PTPN23: variants seen among roughly 807,000 people sequenced by gnomAD.
PTPN23 encodes protein tyrosine phosphatase non-receptor type 23.
In PTPN23, 72 loss-of-function variants were observed where a neutral mutation model predicts 156.3. The observed-to-expected ratio is 0.46, with a 90% CI of 0.38 to 0.56. The LOEUF (loss-of-function observed/expected upper bound fraction) is 0.56, where lower values mean the gene tolerates loss of function less well. Among genes scored for constraint, PTPN23 ranks in the 20% least tolerant of loss-of-function variants. PTPN23 has a pLI of 0.00. For missense variants in PTPN23, 1,974 were observed against 2,171.5 expected, an observed-to-expected ratio of 0.91 and a Z score of 1.81; for synonymous variants, 957 against 899.6, an observed-to-expected ratio of 1.06 and a Z score of -1.14.
At position 47,406,832 on chromosome 3, in the gene PTPN23, G is replaced by C. The variant is rs1222096493; in HGVS notation, c.807+82G>C. On this transcript the variant is annotated intron_variant, in intron 9 of 24. Transcript: ENST00000265562. This position sits in a 1 kb window ranked among gnomAD's most constrained non-coding sequence, Gnocchi z 5.8. Reference sequence around the variant, plus strand: ...GTGTGCTCCCGCTCCTTACACACCAGGGGGTGGCCTTCTCTGTCTCACCCT... The same window carrying C: ...GTGTGCTCCCGCTCCTTACACACCACGGGGTGGCCTTCTCTGTCTCACCCT... 1.3e-6 allele frequency: 2 copies of C among 1,554,208 alleles called. No individual in the cohort carries two copies. The highest frequency in any genetic ancestry group is 1.4e-5 in the African/African-American group (1 of 73,854).
chr3:47,409,628 C>T (rs748790830), intron 18 of PTPN23, 27 bp from the exon 19 acceptor site: 2 of 1,612,624 alleles, frequency 1.2e-6, no homozygotes, highest in Middle Eastern at 1.7e-4. Flanking sequence ...CCATGGTTCA[C>T]CTGGAGCTGG....
At chr3:47,386,562 C>T (rs1331077566) in intron 1 of PTPN23, among the ~76,000 whole-genome samples, 1 of 152,146 alleles carries the variant, frequency 6.6e-6, no homozygotes, top group East Asian at 1.9e-4. Flanking sequence ...TTTTCCCCTT[C>T]CAGATTTTCC....
At chr3:47,391,898 T>C (rs145872613) in intron 1 of PTPN23, among the ~76,000 whole-genome samples, 14 of 152,342 alleles carry the variant, frequency 9.2e-5, no homozygotes, top group African/African-American at 2.9e-4. Context: ...AGTTAATTAA[T>C]TATTTTTGAG....
chr3:47,396,313 G>A (rs551935024), intron 2 of PTPN23, 96 bp downstream of exon 2: 15 of 979,876 alleles, frequency 1.5e-5, no homozygotes, highest in Admixed American at 4.9e-5. Context: ...GTGGCTCAAC[G>A]CCTATAATCC....
intron 15 of PTPN23, 54 bp downstream of exon 15, chr3:47,408,544 T>A: frequency 1.9e-6 from 3 of 1,569,006 alleles, no homozygotes; most frequent in Non-Finnish European, 2.6e-6. Context: ...TCATCTGCTG[T>A]GGCCTCCTCC....
intron 1 of PTPN23, among the ~76,000 whole-genome samples, chr3:47,382,193 GAC>G (rs1171864950): frequency 6.6e-6 from 1 of 152,208 alleles, no homozygotes; most frequent in Non-Finnish European, 1.5e-5. Flanking sequence ...CCTTAGTTCA[GAC>G]AGTGTTTGAG....
Position 47,407,971 on chromosome 3 carries a change from G to C in PTPN23, c.1184+16G>C. 1 of 1,612,572 alleles carries C rather than the reference G, an allele frequency of 6.2e-7. No individual in the cohort carries two copies. The highest frequency in any genetic ancestry group is 1.1e-5 in the South Asian group (1 of 90,952). On this transcript the variant is annotated intron_variant, in intron 14 of 24. Transcript: ENST00000265562. This position sits in a 1 kb window ranked among gnomAD's most constrained non-coding sequence, Gnocchi z 4.0. ...AGGTCCTGGAGTGAGTGTGGGACTT[G>C]GGCAGGGAGGCGGAGGCAGGCAGCA... is the stretch of plus-strand genomic sequence containing the variant.
rs144875102 is a variant in PTPN23, at chr3:47,410,662, C to T, written c.2864C>T (p.Pro955Leu). 1 of 1,611,410 alleles carries T rather than the reference C, an allele frequency of 6.2e-7. No homozygotes were observed. The highest frequency in any genetic ancestry group is 8.5e-7 in the Non-Finnish European group (1 of 1,179,138). The change falls in exon 20 of 25, where the codon CCC (proline) becomes CTC (leucine). Residue 955 changes from proline (P) to leucine (L), a missense_variant. Around this residue, in one of 4 missense-constraint regions of PTPN23, gnomAD observed 731 missense variants for 669.1 expected, o/e 1.09. Coordinates refer to ENST00000265562, the MANE Select transcript of PTPN23 (RefSeq NM_015466.4). ...CCAGCCCCAAGGATTGGGCCCCAGC[C>T]CCAGCCCCATCCTCAGCCCCATCCT... is the stretch of plus-strand genomic sequence containing the variant. ...GFPAPRIGPQPQPHPQPHPSQ... is the reference protein window; with the variant it reads ...GFPAPRIGPQLQPHPQPHPSQ...
At chr3:47,400,381 C>T (rs1403807791) in intron 2 of PTPN23, among the ~76,000 whole-genome samples, 1 of 152,206 alleles carries the variant, frequency 6.6e-6, no homozygotes, top group Non-Finnish European at 1.5e-5. Flanking sequence ...ATCACAGCAT[C>T]AAGCTCTCTC....
intron 2 of PTPN23, among the ~76,000 whole-genome samples, chr3:47,398,739 A>T (rs1337176894): frequency 3.9e-5 from 6 of 152,004 alleles, no homozygotes; most frequent in African/African-American, 1.4e-4. Context: ...CAATTTTTAA[A>T]TTTTTTGTAG....
At chr3:47,383,207 A>G (rs184670604) in intron 1 of PTPN23, among the ~76,000 whole-genome samples, 11 of 152,096 alleles carry the variant, frequency 7.2e-5, no homozygotes, top group African/African-American at 1.9e-4. Flanking sequence ...TTTCCTTACC[A>G]TACTCTGTTT....
rs746591446 is a variant in PTPN23 at position 47,396,159 on chromosome 3, A to T, written c.101A>T (p.Tyr34Phe). ...TCTCTGTAGTTTGTCCTGAAGAATT[A>T]TGGAGAGAACCCAGAAGCCTACAAT... ...PAVKKFVLKN[Y>F]GENPEAYNEE... is the part of the protein sequence containing the mutation. Residue 34 changes from tyrosine to phenylalanine, a missense_variant, in exon 2 of 25, where the codon TAT (tyrosine) becomes TTT (phenylalanine). Transcript: ENST00000265562. 6.2e-7 allele frequency: 1 copy of T among 1,612,922 alleles called. No individual in the cohort carries two copies. The highest frequency in any genetic ancestry group is 8.5e-7 in the Non-Finnish European group (1 of 1,179,148).
chr3:47,405,694 C>T lies in PTPN23; in HGVS notation c.365-55C>T, dbSNP rs937999673. On this transcript the variant is annotated intron_variant, in intron 4 of 24. Transcript: ENST00000265562. This position sits in a 1 kb window ranked among gnomAD's most constrained non-coding sequence, Gnocchi z 4.7. ...AACAGCAGTGCCCCCTCTGTCTCAC[C>T]TTCACATGGGTGTGAGCAGCCCCAG... The T allele has an allele frequency of 5.1e-6, 8 of 1,555,398 alleles. No homozygotes were observed. The African/African-American group carries it at 6.8e-5, about 13-fold the overall frequency.
At position 47,412,991 on chromosome 3, in the gene PTPN23, CCCT is replaced by C. The variant is rs768367262; in HGVS notation, c.4726_4728del (p.Ser1576del). The C allele has an allele frequency of 7.4e-6, 12 of 1,611,820 alleles. No individual in the cohort carries two copies. Among genetic ancestry groups the C allele is most frequent in the Admixed American group, 1.7e-5 (1 of 59,830 alleles). On this transcript the variant is annotated inframe_deletion, in exon 25 of 25. Coordinates refer to ENST00000265562, the MANE Select transcript of PTPN23 (RefSeq NM_015466.4). Reference sequence around the variant, plus strand: ...GCCTGAAGCCCCCAGCTCGGGGCCCCCCTCCTCCTCCCTGGAATTGCTGGCCTC... The same window carrying C: ...GCCTGAAGCCCCCAGCTCGGGGCCCCCCTCCTCCCTGGAATTGCTGGCCTC...
rs748760251 is a variant in PTPN23 at position 47,408,811 on chromosome 3, C to T, written c.1366C>T (p.Leu456=). 9 of 1,610,050 alleles carry T rather than the reference C, an allele frequency of 5.6e-6. No homozygotes were observed. The highest frequency in any genetic ancestry group is 6.8e-6 in the Non-Finnish European group (8 of 1,177,698). Reference sequence around the variant, plus strand: ...TGTGTTCACGGATGTGGAGGCTTCCCTGAAGGACATCAGAGATCTGTTGGA... The same window carrying T: ...TGTGTTCACGGATGTGGAGGCTTCCTTGAAGGACATCAGAGATCTGTTGGA... The part of the protein sequence containing the change: ...SGVFTDVEAS[L]KDIRDLLEED... The change falls in exon 16 of 25, where the codon CTG becomes TTG. Residue 456 remains leucine, a synonymous_variant. Coordinates refer to ENST00000265562, the MANE Select transcript of PTPN23 (RefSeq NM_015466.4).
chr3:47,408,089 C>T, intron 14 of PTPN23, 134 bp downstream of exon 14: 2 of 1,141,138 alleles, frequency 1.8e-6, no homozygotes, highest in Non-Finnish European at 2.5e-6. Flanking sequence ...GCCTTCCCGC[C>T]TGGGGTGGTG....
Position 47,406,934 on chromosome 3 carries a change from A to T in PTPN23, c.807+184A>T, listed in dbSNP as rs931257677. ...AGCCCTCGTCCCTCGGGGTCTGAGGAGGTGGGGCAGGCTCCCTACAGAGCA... is the reference window on the plus strand; with the variant it reads ...AGCCCTCGTCCCTCGGGGTCTGAGGTGGTGGGGCAGGCTCCCTACAGAGCA... On this transcript the variant is annotated intron_variant, in intron 9 of 24. Coordinates refer to ENST00000265562, the MANE Select transcript of PTPN23 (RefSeq NM_015466.4). The surrounding 1 kb of genome is among the most constrained non-coding windows in gnomAD (Gnocchi z 5.8). Among the ~76,000 whole-genome samples, 1 of 151,938 alleles carries T rather than the reference A, an allele frequency of 6.6e-6. No homozygotes were observed. The highest frequency in any genetic ancestry group is 2.4e-5 in the African/African-American group (1 of 41,348).
chr3:47,407,203 C>G lies in PTPN23; in HGVS notation c.864+17C>G. 1 of 1,614,054 alleles carries G rather than the reference C, an allele frequency of 6.2e-7. No homozygotes were observed. Among genetic ancestry groups the G allele is most frequent in the Non-Finnish European group, 8.5e-7 (1 of 1,179,952 alleles). On this transcript the variant is annotated intron_variant, in intron 10 of 24. Transcript: ENST00000265562. The surrounding 1 kb of genome is among the most constrained non-coding windows in gnomAD (Gnocchi z 4.0). ...TTGGCCAAGGTAAAGCTGAGGAAGGCCTGGCTGCCCTGAGGGTATAGGAGC... is the reference window on the plus strand; with the variant it reads ...TTGGCCAAGGTAAAGCTGAGGAAGGGCTGGCTGCCCTGAGGGTATAGGAGC...
chr3:47,387,114 G>GA (rs1478198367), intron 1 of PTPN23, among the ~76,000 whole-genome samples: 2 of 152,174 alleles, frequency 1.3e-5, no homozygotes, highest in African/African-American at 4.8e-5. Context: ...AGGGGAGGAT[G>GA]AAGGTATGTT....
Sources: allele counts gnomAD v4.1 joint callset (sites outside exome capture counted in the v4.1 genomes callset), GRCh38; gene constraint gnomAD v4.1.1; regional missense constraint gnomAD v4.1.1; non-coding constraint Gnocchi (gnomAD v3.1); transcripts MANE v1.5; gene names NCBI Gene and HGNC (gene_info 2026-07-23, HGNC 2026-07-21).